ZBTB10: variants seen among roughly 807,000 people sequenced by gnomAD.
ZBTB10 encodes zinc finger and BTB domain-containing protein 10.
In ZBTB10, 32 loss-of-function variants were observed where a neutral mutation model predicts 76.4. That is an observed-to-expected ratio of 0.42 (90% CI 0.32 to 0.56). The LOEUF (loss-of-function observed/expected upper bound fraction) is 0.56. Ranked by LOEUF, ZBTB10 falls within the 20% of genes least tolerant of loss-of-function variation. The probability of loss-of-function intolerance (pLI) is 0.14; values close to 1 mark genes in which losing one functional copy is unlikely to be tolerated. For missense variants in ZBTB10, 1,057 were observed against 1,098.5 expected (o/e 0.96, Z 0.53); for synonymous variants, 523 against 432.9 (o/e 1.21, Z -2.58).
intron 2 of ZBTB10, among the ~76,000 whole-genome samples, chr8:80,511,570 C>G (rs995081757): frequency 2.6e-5 from 4 of 152,182 alleles, no homozygotes; most frequent in Non-Finnish European, 4.4e-5. Flanking sequence ...TCACTGGAGC[C>G]TTGGACTCCT....
At chr8:80,514,295 C>T (rs761702850) in intron 3 of ZBTB10, among the ~76,000 whole-genome samples, 1 of 152,016 alleles carries the variant, frequency 6.6e-6, no homozygotes, top group African/African-American at 2.4e-5. Context: ...AGATACGGAA[C>T]GGAAATGGTA....
chr8:80,508,563 A>C (rs1043419785), intron 2 of ZBTB10, among the ~76,000 whole-genome samples: 1 of 152,182 alleles, frequency 6.6e-6, no homozygotes, highest in Non-Finnish European at 1.5e-5. Context: ...TTAAAATTAG[A>C]TTATTTAAGA....
At chr8:80,505,915 ATTTT>A (rs58176444) in intron 2 of ZBTB10, among the ~76,000 whole-genome samples, 33,866 of 131,780 alleles carry the variant, frequency 0.26, 4,615 homozygotes, top group African/African-American at 0.38. Flanking sequence ...TGCCTGGCTA[ATTTT>A]TTTTTTTTTT....
intron 2 of ZBTB10, among the ~76,000 whole-genome samples, chr8:80,509,587 T>A (rs75824958): frequency 6.6e-6 from 1 of 152,196 alleles, no homozygotes; most frequent in Non-Finnish European, 1.5e-5. Context: ...ATTCCTGTCA[T>A]GACCAAGGCA....
In ZBTB10 at chr8:80,499,750, A is replaced by G. The variant is rs1433094511; in HGVS notation, c.1229A>G (p.Asp410Gly). Residue 410 changes from aspartate (D) to glycine (G), a missense_variant, in exon 2 of 6, where the codon GAT becomes GGT. Around this residue, in one of 5 missense-constraint regions of ZBTB10, gnomAD observed 86 missense variants for 145.7 expected, o/e 0.59. Transcript: ENST00000455036. Reference sequence around the variant, plus strand: ...AACCAAAACAATACTACCCACTTAGATATTGCTGCAGTTCAAGGTTTTTCA... The same window carrying G: ...AACCAAAACAATACTACCCACTTAGGTATTGCTGCAGTTCAAGGTTTTTCA... ...SPNQNNTTHLDIAAVQGFSVI... is the reference protein window; with the variant it reads ...SPNQNNTTHLGIAAVQGFSVI... The G allele has an allele frequency of 2.5e-6, 4 of 1,613,860 alleles. No homozygotes were observed. The highest frequency in any genetic ancestry group is 1.7e-6 in the Non-Finnish European group (2 of 1,179,886).
At chr8:80,512,601 A>G (rs1012756457) in intron 2 of ZBTB10, among the ~76,000 whole-genome samples, 2 of 152,156 alleles carry the variant, frequency 1.3e-5, no homozygotes, top group Admixed American at 6.5e-5. Flanking sequence ...AGTCCCAGCT[A>G]TCTGAGAGGC....
In ZBTB10 at chr8:80,518,630, C is replaced by T. The variant is rs1050617640; in HGVS notation, c.2137+51C>T. The T allele has an allele frequency of 2.0e-6, 3 of 1,507,466 alleles. No homozygotes were observed. In the African/African-American group the frequency reaches 4.2e-5, roughly 21 times the overall value. The allele number at this position is 1,507,466 out of a possible 1,614,324, so 93.4% of individuals were successfully genotyped here. On this transcript the variant is annotated intron_variant, in intron 4 of 5. Coordinates refer to ENST00000455036, the MANE Select transcript of ZBTB10 (RefSeq NM_001105539.3). ...ACAGAATTAATTAAATAATTGTTAA[C>T]AATTAAAAGCTTTCATGTTCTGCAT... is the stretch of plus-strand genomic sequence containing the variant.
chr8:80,519,030 G>T, intron 5 of ZBTB10, 76 bp downstream of exon 5: 1 of 1,466,846 alleles, frequency 6.8e-7, no homozygotes, highest in East Asian at 2.5e-5. Context: ...GATTTAAACA[G>T]TTAATTGTGA....
chr8:80,517,269 T>C (rs1353938136), intron 3 of ZBTB10, among the ~76,000 whole-genome samples: 1 of 152,178 alleles, frequency 6.6e-6, no homozygotes, highest in African/African-American at 2.4e-5. Flanking sequence ...AAGTTTTTGG[T>C]GGCTACTGAA....
rs1022376943 is a variant in ZBTB10, at chr8:80,525,599, C to T, written c.*6071C>T. 2.6e-5 allele frequency: 4 copies of T among 152,110 alleles called. No individual in the cohort carries two copies. Among genetic ancestry groups the T allele is most frequent in the Admixed American group, 6.6e-5 (1 of 15,250 alleles). The allele number at this position is 152,110 out of a possible 1,614,324, so 9.4% of individuals were successfully genotyped here. On this transcript the variant is annotated 3_prime_UTR_variant, in exon 6 of 6. Transcript: ENST00000455036. Reference sequence around the variant, plus strand: ...TTAGGTTGAAAGAGACTGTAAGAGACTAATGAAGCATACCCAGAGAGGTTG... The same window carrying T: ...TTAGGTTGAAAGAGACTGTAAGAGATTAATGAAGCATACCCAGAGAGGTTG...
intron 2 of ZBTB10, among the ~76,000 whole-genome samples, 159 bp downstream of exon 2, chr8:80,500,541 G>A (rs985459568): frequency 1.3e-5 from 2 of 152,048 alleles, no homozygotes; most frequent in African/African-American, 4.8e-5. Flanking sequence ...AACATATTTG[G>A]TATATTTTCT....
intron 2 of ZBTB10, among the ~76,000 whole-genome samples, chr8:80,506,876 C>T (rs1003054306): frequency 6.7e-5 from 10 of 150,200 alleles, no homozygotes; most frequent in Non-Finnish European, 1.5e-5. Flanking sequence ...ATGGAGTATG[C>T]TATGAAGGAT....
chr8:80,498,656 T>G (rs370643535), intron 1 of ZBTB10, among the ~76,000 whole-genome samples: 1 of 152,214 alleles, frequency 6.6e-6, no homozygotes, highest in African/African-American at 2.4e-5. Context: ...GATAGTGACT[T>G]TCCAAGGACA....
upstream of ZBTB10, chr8:80,485,807 C>G (rs1295670572): frequency 2.0e-6 from 3 of 1,535,550 alleles, no homozygotes; most frequent in Non-Finnish European, 2.6e-6. Flanking sequence ...AGCGCAGCTC[C>G]CACCGCACAG....
Position 80,519,249 on chromosome 8 carries a change from A to G in ZBTB10, c.2337A>G (p.Lys779=). Residue 779 remains lysine (K), a synonymous_variant, in exon 6 of 6, where the codon AAA becomes AAG. Transcript: ENST00000455036. The stretch of plus-strand genomic sequence containing the variant: ...TGCATAAAAAGGATAAAAAATACAA[A>G]TGTATGGTGTGTAAGAAGATCTTCA... ...SLVHKKDKKY[K]CMVCKKIFML... 6.2e-7 allele frequency: 1 copy of G among 1,613,644 alleles called. No individual in the cohort carries two copies. Among genetic ancestry groups the G allele is most frequent in the Non-Finnish European group, 8.5e-7 (1 of 1,179,690 alleles).
Position 80,524,115 on chromosome 8 carries a change from A to G in ZBTB10, c.*4587A>G, listed in dbSNP as rs1322836108. ...TTAATTCAGATTTCTTTGCAAGTGT[A>G]CTAATTTAGACTAATTGGGGTAAGG... is the stretch of plus-strand genomic sequence containing the variant. On this transcript the variant is annotated 3_prime_UTR_variant, in exon 6 of 6. Coordinates refer to ENST00000455036, the MANE Select transcript of ZBTB10 (RefSeq NM_001105539.3). 6.6e-6 allele frequency: 1 copy of G among 152,038 alleles called. No homozygotes were observed. 9.4% of individuals were successfully genotyped at this position (152,038 alleles called of 1,614,324 possible).
chr8:80,518,318 A>G, intron 3 of ZBTB10, 85 bp from the exon 4 acceptor site: 2 of 1,275,668 alleles, frequency 1.6e-6, no homozygotes, highest in Non-Finnish European at 2.1e-6. Context: ...TGCCTGTAGG[A>G]TATAAATATA....
rs1475968470 is a variant in ZBTB10 at position 80,524,534 on chromosome 8, A to G, written c.*5006A>G. The G allele has an allele frequency of 1.3e-5, 2 of 152,122 alleles. No homozygotes were observed. Among genetic ancestry groups the G allele is most frequent in the Non-Finnish European group, 2.9e-5 (2 of 67,974 alleles). The allele number at this position is 152,122 out of a possible 1,614,324, so 9.4% of individuals were successfully genotyped here. On this transcript the variant is annotated 3_prime_UTR_variant, in exon 6 of 6. Coordinates refer to ENST00000455036, the MANE Select transcript of ZBTB10 (RefSeq NM_001105539.3). Reference sequence around the variant, plus strand: ...TTATTAATGTAGAGAAAACATAACTAGCTTTTTAGGTTATTTCAAAGTTAG... The same window carrying G: ...TTATTAATGTAGAGAAAACATAACTGGCTTTTTAGGTTATTTCAAAGTTAG...
intron 2 of ZBTB10, among the ~76,000 whole-genome samples, chr8:80,510,691 G>T (rs938193951): frequency 6.6e-6 from 1 of 150,882 alleles, no homozygotes; most frequent in Non-Finnish European, 1.5e-5. Flanking sequence ...TTAGACAAGT[G>T]CAGTAGTGAG....
Sources: allele counts gnomAD v4.1 joint callset (sites outside exome capture counted in the v4.1 genomes callset), GRCh38; gene constraint gnomAD v4.1.1; regional missense constraint gnomAD v4.1.1; transcripts MANE v1.5; gene names NCBI Gene and HGNC (gene_info 2026-07-23, HGNC 2026-07-21).